The following TMTC2 variants were observed in gnomAD, a reference collection of about 807,000 sequenced individuals.
TMTC2 encodes protein O-mannosyl-transferase TMTC2.
A neutral mutation model predicts 82.4 loss-of-function variants in TMTC2; 43 were observed. The ratio of observed to expected loss-of-function variants is 0.52; its 90% CI spans 0.41 to 0.67. TMTC2 has a LOEUF of 0.67. Among genes scored for constraint, TMTC2 ranks in the 30% least tolerant of loss-of-function variants. The pLI is 0.00. For synonymous variants in TMTC2, 408 were observed against 381.9 expected, an observed-to-expected ratio of 1.07 and a Z score of -0.80; for missense variants, 919 against 1,012.4, an observed-to-expected ratio of 0.91 and a Z score of 1.25.
At chr12:83,040,759 C>T (rs562914077) in intron 9 of TMTC2, among the ~76,000 whole-genome samples, 27 of 148,902 alleles carry the variant, frequency 1.8e-4, no homozygotes, top group Admixed American at 5.4e-4. Context: ...TATCTCTGCT[C>T]ACGCAAGCTC....
intron 1 of TMTC2, among the ~76,000 whole-genome samples, chr12:82,805,937 G>A (rs375300560): frequency 6.6e-6 from 1 of 152,000 alleles, no homozygotes; most frequent in Non-Finnish European, 1.5e-5. Context: ...CACTCTACTC[G>A]TTCTGGGAAT....
At chr12:82,763,554 C>T (rs901129212) in intron 1 of TMTC2, among the ~76,000 whole-genome samples, 2 of 152,148 alleles carry the variant, frequency 1.3e-5, no homozygotes, top group Non-Finnish European at 2.9e-5. Flanking sequence ...AACTGAAGAA[C>T]TTGATAATAA....
chr12:82,826,343 C>A (rs11835207), intron 1 of TMTC2, among the ~76,000 whole-genome samples: 9 of 152,128 alleles, frequency 5.9e-5, no homozygotes, highest in South Asian at 4.2e-4. Flanking sequence ...TTAGAACCCA[C>A]GAATACCATG....
rs768544657 is a variant in TMTC2, at chr12:82,937,740, G to GA, written c.1598+7195_1598+7196insA. 1.9e-3 allele frequency among the ~76,000 whole-genome samples: 156 copies of GA among 80,540 alleles called. 3 individuals are homozygous for GA. Among genetic ancestry groups the GA allele is most frequent in the African/African-American group, 0.011 (149 of 13,844 alleles). 52.8% of individuals were successfully genotyped at this position (80,540 alleles called of 152,430 possible). A position where few individuals can be genotyped will look rare whatever the true frequency, so the allele number is the denominator to read the frequency against. On this transcript the variant is annotated intron_variant, in intron 4 of 11. Transcript: ENST00000321196. The stretch of plus-strand genomic sequence containing the variant: ...TGTGTGTGTGTGTGGATGTGTGTGT[G>GA]TGTGTGTGTGTATATATATATATAT...
intron 1 of TMTC2, among the ~76,000 whole-genome samples, chr12:82,791,346 C>G (rs1878459696): frequency 6.6e-6 from 1 of 152,012 alleles, no homozygotes. Flanking sequence ...TGTCTGTATT[C>G]TCTGCTACCA....
intron 11 of TMTC2, among the ~76,000 whole-genome samples, chr12:83,099,767 TA>T (rs1473103497): frequency 6.6e-6 from 1 of 152,148 alleles, no homozygotes; most frequent in Admixed American, 6.5e-5. Flanking sequence ...TGGGTAACCT[TA>T]CCCTTGCAAA....
intron 3 of TMTC2, among the ~76,000 whole-genome samples, chr12:82,930,047 A>G (rs1267869649): frequency 6.6e-6 from 1 of 152,080 alleles, no homozygotes; most frequent in Non-Finnish European, 1.5e-5. Flanking sequence ...CTTGAATGAA[A>G]TATTTGTTTA....
At chr12:82,882,532 G>C (rs1362504645) in intron 2 of TMTC2, among the ~76,000 whole-genome samples, 1 of 152,010 alleles carries the variant, frequency 6.6e-6, no homozygotes, top group South Asian at 2.1e-4. Flanking sequence ...GTGGGGGTGA[G>C]GGGAAGAGGA....
chr12:83,119,269 A>G (rs1056963882), intron 11 of TMTC2, among the ~76,000 whole-genome samples: 2 of 152,064 alleles, frequency 1.3e-5, no homozygotes, highest in Admixed American at 6.5e-5. Context: ...AGCTATTGAT[A>G]TAGATGTTTA....
chr12:82,779,011 T>A (rs1349281240), intron 1 of TMTC2, among the ~76,000 whole-genome samples: 1 of 140,116 alleles, frequency 7.1e-6, no homozygotes, highest in Non-Finnish European at 1.5e-5. Flanking sequence ...CACTCCAACC[T>A]GGGCGACAGA....
intron 11 of TMTC2, among the ~76,000 whole-genome samples, chr12:83,094,584 G>A (rs1883959363): frequency 6.6e-6 from 1 of 152,190 alleles, no homozygotes; most frequent in South Asian, 2.1e-4. Flanking sequence ...CACGGGTTGG[G>A]CGAAGAAAGA....
chr12:82,747,251 G>T (rs894160756), intron 1 of TMTC2, among the ~76,000 whole-genome samples: 13 of 152,310 alleles, frequency 8.5e-5, no homozygotes, highest in African/African-American at 3.1e-4. Context: ...GGACCAAAAA[G>T]AAAAGGTTTA....
intron 4 of TMTC2, among the ~76,000 whole-genome samples, chr12:82,957,594 T>C (rs112416578): frequency 5.0e-4 from 76 of 152,196 alleles, no homozygotes; most frequent in Middle Eastern, 3.4e-3. Flanking sequence ...AAAGTTGGTT[T>C]TTTTAAAGGA....
Position 82,962,172 on chromosome 12 carries a change from A to G in TMTC2, c.1599-2852A>G, listed in dbSNP as rs371414812. 1.2e-4 allele frequency among the ~76,000 whole-genome samples: 19 copies of G among 152,140 alleles called. No homozygotes were observed. The East Asian group carries it at 1.4e-3, about 11-fold the overall frequency. On this transcript the variant is annotated intron_variant, in intron 4 of 11. Transcript: ENST00000321196. ...TCTTTGTATATTTTATGAATTGGAT[A>G]ATGACAGGAATATAGTCTATCAGCA...
At chr12:83,011,048 T>C (rs1421247515) in intron 8 of TMTC2, among the ~76,000 whole-genome samples, 1 of 152,186 alleles carries the variant, frequency 6.6e-6, no homozygotes, top group East Asian at 1.9e-4. Flanking sequence ...TTGGCCAGGG[T>C]GATCTTGAAC....
At chr12:83,127,134 A>G (rs1885121833) in intron 11 of TMTC2, among the ~76,000 whole-genome samples, 1 of 152,140 alleles carries the variant, frequency 6.6e-6, no homozygotes, top group Non-Finnish European at 1.5e-5. Flanking sequence ...TAAGTTTGCA[A>G]ATTATATTCA....
At chr12:83,032,684 A>G (rs1359201168) in intron 9 of TMTC2, among the ~76,000 whole-genome samples, 1 of 152,100 alleles carries the variant, frequency 6.6e-6, no homozygotes, top group Non-Finnish European at 1.5e-5. Context: ...AGCTGGGATT[A>G]CAGGCACCCA....
chr12:82,856,228 G>T (rs919055193), intron 1 of TMTC2, among the ~76,000 whole-genome samples: 2 of 152,134 alleles, frequency 1.3e-5, no homozygotes, highest in African/African-American at 4.8e-5. Flanking sequence ...GCATGCAAAT[G>T]GAAACTATCC....
Position 82,857,188 on chromosome 12 carries a change from C to A in TMTC2, c.262C>A (p.His88Asn). 1.9e-6 allele frequency: 3 copies of A among 1,614,104 alleles called. No homozygotes were observed. Among genetic ancestry groups the A allele is most frequent in the Non-Finnish European group, 2.5e-6 (3 of 1,180,036 alleles). The change falls in exon 2 of 12, where the codon CAT (histidine) becomes AAT (asparagine). Residue 88 changes from histidine (H) to asparagine (N), a missense_variant. Transcript: ENST00000321196. The part of the protein sequence containing the change: ...AIGGLNPWSY[H>N]LVNVLLHAAV... ...TGGAGGGTTGAATCCCTGGAGCTAC[C>A]ATCTTGTCAATGTCCTGTTGCATGC...
Sources: gnomAD v4.1 joint callset for allele counts (sites outside exome capture counted in the v4.1 genomes callset) on GRCh38, gnomAD v4.1.1 for gene constraint, MANE v1.5 for transcripts, NCBI Gene and HGNC (gene_info 2026-07-23, HGNC 2026-07-21) for gene names.